TRPC6: variants seen among roughly 807,000 people sequenced by gnomAD.
TRPC6 encodes short transient receptor potential channel 6.
TRPC6 carries 55 observed loss-of-function variants against 90.7 expected under a neutral mutation model. The ratio of observed to expected loss-of-function variants is 0.61; its 90% confidence interval spans 0.49 to 0.76. TRPC6 has a LOEUF of 0.76. Among genes scored for constraint, TRPC6 ranks in the 30% least tolerant of loss-of-function variants. TRPC6 has a pLI of 0.00. For missense variants in TRPC6, 989 were observed against 1,122.7 expected, an observed-to-expected ratio of 0.88 and a Z score of 1.70; for synonymous variants, 393 against 393.0, an observed-to-expected ratio of 1.00 and a Z score of 0.00.
At chr11:101,551,511 G>GA (rs78561503) in intron 1 of TRPC6, among the ~76,000 whole-genome samples, 15,475 of 150,586 alleles carry the variant, frequency 0.1, 895 homozygotes, top group Middle Eastern at 0.14. Flanking sequence ...ACATTCTTTA[G>GA]AAAAAAAAAC....
intron 1 of TRPC6, among the ~76,000 whole-genome samples, chr11:101,569,899 T>G (rs1861919919): frequency 6.6e-6 from 1 of 152,100 alleles, no homozygotes. Flanking sequence ...TACCACTAAA[T>G]GCCCACAAGA....
At chr11:101,571,791 T>C (rs1357384017) in intron 1 of TRPC6, among the ~76,000 whole-genome samples, 3 of 152,148 alleles carry the variant, frequency 2.0e-5, no homozygotes, top group Non-Finnish European at 4.4e-5. Context: ...ATTTAATAAA[T>C]GGTGTTGGGA....
rs567740993 is a variant in TRPC6 at position 101,463,278 on chromosome 11, G to T, written c.2484+6149C>A. Among the ~76,000 whole-genome samples the T allele has an allele frequency of 2.0e-5, 3 of 152,206 alleles. No homozygotes were observed. The South Asian group carries it at 6.2e-4, about 32-fold the overall frequency. ...TATTGGCCTGAAATTTTCTTTTTCT[G>T]TTGCGTCTCTGCTAGGTTTTTGTAA... is the stretch of plus-strand genomic sequence containing the variant. On this transcript the variant is annotated intron_variant, in intron 10 of 12. Coordinates refer to ENST00000344327, the MANE Select transcript of TRPC6 (RefSeq NM_004621.6).
intron 7 of TRPC6, among the ~76,000 whole-genome samples, chr11:101,473,058 A>C (rs1859330296): frequency 6.6e-6 from 1 of 152,170 alleles, no homozygotes; most frequent in African/African-American, 2.4e-5. Context: ...AAGATCTGAG[A>C]AATTCAATTA....
intron 10 of TRPC6, among the ~76,000 whole-genome samples, chr11:101,462,682 C>T (rs957699868): frequency 1.3e-5 from 2 of 152,184 alleles, no homozygotes; most frequent in Admixed American, 1.3e-4. Context: ...GCTGAAGTTG[C>T]TTATCTGCTT....
At chr11:101,475,903 TAC>T (rs1049102081) in intron 6 of TRPC6, among the ~76,000 whole-genome samples, 2 of 150,618 alleles carry the variant, frequency 1.3e-5, no homozygotes, top group East Asian at 3.9e-4. Flanking sequence ...TGTGCATATA[TAC>T]ACACACGTGT....
intron 1 of TRPC6, among the ~76,000 whole-genome samples, chr11:101,558,770 A>C (rs1201697421): frequency 6.6e-6 from 1 of 152,148 alleles, no homozygotes; most frequent in Non-Finnish European, 1.5e-5. Flanking sequence ...TAACTATCAA[A>C]AGGATAGTCT....
At chr11:101,559,321 T>A (rs1356887922) in intron 1 of TRPC6, among the ~76,000 whole-genome samples, 1 of 152,162 alleles carries the variant, frequency 6.6e-6, no homozygotes, top group Non-Finnish European at 1.5e-5. Context: ...TTACACTGTA[T>A]TCATAAATCA....
intron 2 of TRPC6, among the ~76,000 whole-genome samples, chr11:101,502,838 T>C (rs779075406): frequency 4.6e-5 from 7 of 152,130 alleles, no homozygotes; most frequent in Non-Finnish European, 1.0e-4. Context: ...GACCTGAGGA[T>C]AGATAGACAC....
At chr11:101,513,518 T>G (rs1331403825) in intron 1 of TRPC6, among the ~76,000 whole-genome samples, 1 of 152,146 alleles carries the variant, frequency 6.6e-6, no homozygotes, top group African/African-American at 2.4e-5. Context: ...AAATAATTTT[T>G]AAAAGATTTT....
intron 1 of TRPC6, among the ~76,000 whole-genome samples, chr11:101,540,883 G>A (rs559497834): frequency 6.6e-6 from 1 of 152,196 alleles, no homozygotes; most frequent in East Asian, 1.9e-4. Context: ...CAGGAATCGT[G>A]AGGATTAAAT....
intron 1 of TRPC6, among the ~76,000 whole-genome samples, chr11:101,520,534 G>A (rs1860633675): frequency 6.6e-6 from 1 of 152,158 alleles, no homozygotes; most frequent in Admixed American, 6.5e-5. Flanking sequence ...CAGTTTGGAG[G>A]GCTCAGAAGA....
chr11:101,527,903 C>T (rs1316142540), intron 1 of TRPC6, among the ~76,000 whole-genome samples: 2 of 151,944 alleles, frequency 1.3e-5, no homozygotes, highest in Non-Finnish European at 2.9e-5. Flanking sequence ...GTAACCCTGT[C>T]TCTACTAAAA....
At chr11:101,542,661 A>T (rs1861202756) in intron 1 of TRPC6, among the ~76,000 whole-genome samples, 2 of 151,996 alleles carry the variant, frequency 1.3e-5, no homozygotes, top group African/African-American at 4.8e-5. Flanking sequence ...ACTAAAAAAT[A>T]AGCATAATTT....
intron 2 of TRPC6, among the ~76,000 whole-genome samples, chr11:101,494,550 T>C (rs182517876): frequency 6.6e-6 from 1 of 152,314 alleles, no homozygotes; most frequent in Non-Finnish European, 1.5e-5. Context: ...CTCTTGAATG[T>C]AGAGTTCAAG....
chr11:101,457,563 G>A (rs1004534658), intron 10 of TRPC6, among the ~76,000 whole-genome samples: 2 of 152,116 alleles, frequency 1.3e-5, no homozygotes, highest in African/African-American at 4.8e-5. Context: ...GAACTGAAAA[G>A]GTATGGACAA....
intron 1 of TRPC6, among the ~76,000 whole-genome samples, chr11:101,573,624 T>C (rs1231019821): frequency 1.3e-5 from 2 of 152,184 alleles, no homozygotes. Context: ...TAATCTTTCA[T>C]GTTTCCTCTT....
intron 5 of TRPC6, among the ~76,000 whole-genome samples, chr11:101,481,240 A>T (rs1417360279): frequency 1.3e-5 from 2 of 152,080 alleles, no homozygotes; most frequent in Non-Finnish European, 1.5e-5. Flanking sequence ...GGGAGGTGGG[A>T]TGTTGGGGGG....
intron 10 of TRPC6, chr11:101,455,369 C>T (rs1445741591): frequency 2.4e-5 from 9 of 371,094 alleles, no homozygotes; most frequent in South Asian, 1.7e-4. Context: ...GAGAATCACG[C>T]GTTAACCTTC....
Sources: allele counts gnomAD v4.1 joint callset (sites outside exome capture counted in the v4.1 genomes callset), GRCh38; gene constraint gnomAD v4.1.1; transcripts MANE v1.5; gene names NCBI Gene and HGNC (gene_info 2026-07-23, HGNC 2026-07-21).